The following SDK1 variants were observed in gnomAD, a reference collection of about 807,000 sequenced individuals.
SDK1 encodes protein sidekick-1.
A neutral mutation model predicts 245.5 loss-of-function variants in SDK1; 157 were observed. The observed-to-expected ratio is 0.64, with a 90% CI of 0.56 to 0.73. The LOEUF (loss-of-function observed/expected upper bound fraction) is 0.73. SDK1 is among the 30% of genes least tolerant of loss of function. The pLI is 0.00. For missense variants in SDK1, 3,583 were observed against 3,002.3 expected (o/e 1.19, Z -4.52); for synonymous variants, 1,647 against 1,278.5 (o/e 1.29, Z -6.15).
At chr7:3,753,347 AC>A (rs1779828799) in intron 4 of SDK1, among the ~76,000 whole-genome samples, 1 of 152,166 alleles carries the variant, frequency 6.6e-6, no homozygotes, top group Non-Finnish European at 1.5e-5. Context: ...TAAAAACATC[AC>A]CATCAGTATT....
rs1332869794 is a variant in SDK1, at chr7:4,067,936, G to C, written c.3010G>C (p.Gly1004Arg). 1 of 1,601,014 alleles carries C rather than the reference G, an allele frequency of 6.2e-7. No individual in the cohort carries two copies. The highest frequency in any genetic ancestry group is 1.7e-5 in the Admixed American group (1 of 59,516). The change falls in exon 20 of 45, where the codon GGC (glycine) becomes CGC (arginine). Residue 1004 changes from glycine (G) to arginine (R), a missense_variant and splice_region_variant. Physicochemically the swap from Gly to Arg is moderately radical, Grantham distance 125. Coordinates refer to ENST00000404826, the MANE Select transcript of SDK1 (RefSeq NM_152744.4). ...CCTGGAGAAAAATGGCATCATTACT[G>C]GTAAGTAGGCCTGTCCTTCAAAAAA... The part of the protein sequence containing the change: ...EPLEKNGIIT[G>R]YQISWEVYGR...
rs377602539 is a variant in SDK1 at position 4,010,956 on chromosome 7, A to T, written c.2132-10A>T. The T allele has an allele frequency of 1.9e-6, 3 of 1,613,666 alleles. No individual in the cohort carries two copies. The highest frequency in any genetic ancestry group is 1.1e-5 in the South Asian group (1 of 91,068). On this transcript the variant is annotated splice_polypyrimidine_tract_variant and intron_variant, in intron 14 of 44. Transcript: ENST00000404826. ...CTGTGGGCTTGAATTCGTTTTCTTC[A>T]TTCTTTCAGACTCTCCATGGAAGGT...
intron 4 of SDK1, among the ~76,000 whole-genome samples, chr7:3,646,463 G>A (rs1034098113): frequency 6.6e-6 from 1 of 151,916 alleles, no homozygotes; most frequent in African/African-American, 2.4e-5. Context: ...CCTCACAATT[G>A]CCTTCTGAGG....
At chr7:3,437,266 T>A (rs935483145) in intron 1 of SDK1, among the ~76,000 whole-genome samples, 22 of 152,162 alleles carry the variant, frequency 1.4e-4, no homozygotes, top group Admixed American at 1.4e-3. Context: ...AAAAGTCTTA[T>A]AACATTGTTA....
chr7:3,474,628 C>T (rs956657177), intron 1 of SDK1, among the ~76,000 whole-genome samples: 4 of 152,144 alleles, frequency 2.6e-5, no homozygotes, highest in African/African-American at 4.8e-5. Flanking sequence ...GTAACCCATC[C>T]ATGTCTTTCC....
chr7:3,424,344 T>C lies in SDK1; in HGVS notation c.298+122460T>C, dbSNP rs570051793. Among the ~76,000 whole-genome samples the C allele has an allele frequency of 4.6e-5, 7 of 152,360 alleles. No individual in the cohort carries two copies. The South Asian group carries it at 8.3e-4, about 18-fold the overall frequency. On this transcript the variant is annotated intron_variant, in intron 1 of 44. Coordinates refer to ENST00000404826, the MANE Select transcript of SDK1 (RefSeq NM_152744.4). ...ATTTGGTATCTTTTTAGAATAATTA[T>C]GTTTAGATAAATCTTTTCTGTGGAA...
At chr7:3,585,657 A>T (rs145781608) in intron 1 of SDK1, among the ~76,000 whole-genome samples, 1 of 152,172 alleles carries the variant, frequency 6.6e-6, no homozygotes, top group African/African-American at 2.4e-5. Flanking sequence ...GAGGGGGCAT[A>T]CAGCAGGTGT....
At chr7:3,604,602 C>CTTT (rs201453008) in intron 1 of SDK1, among the ~76,000 whole-genome samples, 2 of 110,520 alleles carry the variant, frequency 1.8e-5, no homozygotes, top group Admixed American at 1.1e-4. Context: ...CTTTTCTTTT[C>CTTT]TTTTTTTTTT....
chr7:3,849,961 G>A (rs1311814139), intron 5 of SDK1, among the ~76,000 whole-genome samples: 2 of 152,208 alleles, frequency 1.3e-5, no homozygotes, highest in Non-Finnish European at 2.9e-5. Context: ...AGAATAATAT[G>A]TATTTTCATA....
chr7:3,822,874 G>A (rs1218241850), intron 5 of SDK1, among the ~76,000 whole-genome samples: 13 of 152,146 alleles, frequency 8.5e-5, no homozygotes, highest in Admixed American at 8.5e-4. Context: ...GAATTGCCTG[G>A]GTGAATCTTT....
chr7:3,796,710 T>G (rs1778969974), intron 4 of SDK1, among the ~76,000 whole-genome samples: 1 of 152,266 alleles, frequency 6.6e-6, no homozygotes, highest in South Asian at 2.1e-4. Context: ...TTGATTTGTT[T>G]CTTTTGATTA....
intron 38 of SDK1, among the ~76,000 whole-genome samples, chr7:4,216,127 C>A (rs1784781649): frequency 6.6e-6 from 1 of 152,196 alleles, no homozygotes. Flanking sequence ...TCTTGGCCTC[C>A]TGAGGCTGGG....
At chr7:3,627,086 C>T (rs1187080540) in intron 2 of SDK1, among the ~76,000 whole-genome samples, 1 of 152,056 alleles carries the variant, frequency 6.6e-6, no homozygotes, top group Non-Finnish European at 1.5e-5. Flanking sequence ...CACCACCATG[C>T]CCAGCTAATT....
chr7:3,343,347 A>AGTATT (rs1218800664), intron 1 of SDK1, among the ~76,000 whole-genome samples: 5 of 152,226 alleles, frequency 3.3e-5, no homozygotes, highest in Admixed American at 2.0e-4. Flanking sequence ...AAAGGGCCAA[A>AGTATT]GTATTGATGC....
chr7:4,175,583 C>T (rs961111858), intron 33 of SDK1, among the ~76,000 whole-genome samples, 192 bp from the exon 34 acceptor site: 1 of 152,210 alleles, frequency 6.6e-6, no homozygotes. Flanking sequence ...CGAGGAGGTG[C>T]GGCAGCCCCC....
intron 19 of SDK1, among the ~76,000 whole-genome samples, chr7:4,052,070 G>A (rs1261456775): frequency 6.6e-6 from 1 of 151,982 alleles, no homozygotes; most frequent in Non-Finnish European, 1.5e-5. Context: ...GACAGGGGGT[G>A]GAGAATCAGG....
intron 1 of SDK1, among the ~76,000 whole-genome samples, chr7:3,453,893 A>T (rs1388562004): frequency 6.6e-6 from 1 of 151,966 alleles, no homozygotes; most frequent in African/African-American, 2.4e-5. Flanking sequence ...AGACAGTATT[A>T]TTTCCTCCCG....
At chr7:4,202,137 G>A (rs1316013481) in intron 35 of SDK1, among the ~76,000 whole-genome samples, 1 of 152,096 alleles carries the variant, frequency 6.6e-6, no homozygotes, top group African/African-American at 2.4e-5. Flanking sequence ...TCTGGGCCCC[G>A]ACCCTGTCCC....
chr7:4,046,544 C>T (rs187343294), intron 17 of SDK1, among the ~76,000 whole-genome samples: 477 of 152,266 alleles, frequency 3.1e-3, no homozygotes, highest in Non-Finnish European at 4.9e-3. Context: ...ATATTTCCAG[C>T]ACCATTTGTC....
Sources: allele counts gnomAD v4.1 joint callset (sites outside exome capture counted in the v4.1 genomes callset), GRCh38; gene constraint gnomAD v4.1.1; transcripts MANE v1.5; gene names NCBI Gene and HGNC (gene_info 2026-07-23, HGNC 2026-07-21).